SULT1C2: variants seen among roughly 807,000 people sequenced by gnomAD.
The protein encoded by SULT1C2 is sulfotransferase 1C2.
In SULT1C2, 27 loss-of-function variants were observed where a neutral mutation model predicts 36.0. That is an observed-to-expected ratio of 0.75 (90% CI 0.55 to 1.03). The LOEUF (loss-of-function observed/expected upper bound fraction) is 1.03. Among genes scored for constraint, SULT1C2 ranks in the 50% least tolerant of loss-of-function variants. The pLI, the probability that SULT1C2 is intolerant of heterozygous loss-of-function variation, is 0.00. For missense variants in SULT1C2, 395 were observed against 359.2 expected (o/e 1.10, Z -0.80); for synonymous variants, 121 against 116.0 (o/e 1.04, Z -0.27).
intron 1 of SULT1C2, among the ~76,000 whole-genome samples, chr2:108,291,902 A>G (rs1676602893): frequency 1.3e-5 from 2 of 152,222 alleles, no homozygotes; most frequent in South Asian, 4.1e-4. Flanking sequence ...TCTTTGATGT[A>G]TTATAAATAC....
At chr2:108,303,670 A>G (rs1171466959) in intron 4 of SULT1C2, 8 of 152,244 alleles carry the variant, frequency 5.3e-5, no homozygotes, top group Non-Finnish European at 1.0e-4. Context: ...CATAATTAAT[A>G]CAGCACTCCT....
chr2:108,300,735 G>A (rs1676847699), intron 3 of SULT1C2, 103 bp from the exon 4 acceptor site: 1 of 1,497,306 alleles, frequency 6.7e-7, no homozygotes, highest in Non-Finnish European at 8.9e-7. Flanking sequence ...GAGACTAGCA[G>A]AAAGACAGGT....
At chr2:108,297,053 G>T (rs1055367783) in intron 3 of SULT1C2, among the ~76,000 whole-genome samples, 1 of 152,196 alleles carries the variant, frequency 6.6e-6, no homozygotes, top group Non-Finnish European at 1.5e-5. Flanking sequence ...AAAGACCTGT[G>T]TGCATGTGTA....
chr2:108,296,890 A>T (rs1206783160), intron 3 of SULT1C2, among the ~76,000 whole-genome samples: 1 of 152,220 alleles, frequency 6.6e-6, no homozygotes, highest in Non-Finnish European at 1.5e-5. Context: ...GTGGTCAGAC[A>T]CTACTGGACA....
chr2:108,305,092 C>A (rs1008773158), intron 5 of SULT1C2, 80 bp from the exon 6 acceptor site: 3 of 1,524,746 alleles, frequency 2.0e-6, no homozygotes, highest in African/African-American at 2.7e-5. Flanking sequence ...CTCTCTAACT[C>A]ACTTCAGGAA....
At chr2:108,291,437 G>A (rs906242101) in intron 1 of SULT1C2, among the ~76,000 whole-genome samples, 2 of 152,082 alleles carry the variant, frequency 1.3e-5, no homozygotes, top group Admixed American at 1.3e-4. Flanking sequence ...AATGTATTAG[G>A]AATTAGGACG....
intron 1 of SULT1C2, among the ~76,000 whole-genome samples, chr2:108,293,147 C>A (rs1676634381): frequency 7.2e-6 from 1 of 139,000 alleles, no homozygotes; most frequent in African/African-American, 2.8e-5. Flanking sequence ...CCATTGCACT[C>A]CAGCCTGGAT....
chr2:108,300,660 G>T, intron 3 of SULT1C2, 178 bp from the exon 4 acceptor site: 1 of 1,076,746 alleles, frequency 9.3e-7, no homozygotes, highest in Non-Finnish European at 1.3e-6. Flanking sequence ...GACTCAAGCT[G>T]TGTGATTTTA....
chr2:108,304,817 C>G (rs1676981770), intron 5 of SULT1C2, 117 bp downstream of exon 5: 1 of 1,391,190 alleles, frequency 7.2e-7, no homozygotes, highest in Non-Finnish European at 9.7e-7. Context: ...TGTCCTACCA[C>G]AGACTGGGAC....
At chr2:108,296,382 T>G (rs1243308335) in intron 3 of SULT1C2, among the ~76,000 whole-genome samples, 1 of 149,798 alleles carries the variant, frequency 6.7e-6, no homozygotes, top group African/African-American at 2.4e-5. Flanking sequence ...ACAAACAGTC[T>G]CAGGCTTTAT....
At chr2:108,308,320 G>A (rs907325889) in intron 7 of SULT1C2, 32 bp from the exon 8 acceptor site, 23 of 1,578,528 alleles carry the variant, frequency 1.5e-5, no homozygotes, top group Admixed American at 1.9e-5. Flanking sequence ...TTCAATCAGA[G>A]TGACACTCCT....
At chr2:108,291,462 G>A (rs894797130) in intron 1 of SULT1C2, among the ~76,000 whole-genome samples, 1 of 152,132 alleles carries the variant, frequency 6.6e-6, no homozygotes, top group Non-Finnish European at 1.5e-5. Context: ...CATCTTTAGG[G>A]CCATTATTCT....
At chr2:108,300,376 C>CA (rs374652660) in intron 3 of SULT1C2, 292 of 154,340 alleles carry the variant, frequency 1.9e-3, no homozygotes, top group Middle Eastern at 3.2e-3. Flanking sequence ...GACTCCGTCT[C>CA]AAAAAAAAAA....
rs527687314 is a variant in SULT1C2 at position 108,295,094 on chromosome 2, G to A, written c.277+740G>A. Reference sequence around the variant, plus strand: ...AGCTCTAGCATGAAGTCTAGACTTGGAGCAACTGTAGACAGAGGTCTGATA... The same window carrying A: ...AGCTCTAGCATGAAGTCTAGACTTGAAGCAACTGTAGACAGAGGTCTGATA... On this transcript the variant is annotated intron_variant, in intron 3 of 7. Coordinates refer to ENST00000251481, the MANE Select transcript of SULT1C2 (RefSeq NM_001056.4). 5.3e-5 allele frequency among the ~76,000 whole-genome samples: 8 copies of A among 152,230 alleles called. No individual in the cohort carries two copies. In the East Asian group the frequency reaches 1.3e-3, roughly 26 times the overall value.
At chr2:108,290,604 C>A (rs1268098247) in intron 1 of SULT1C2, among the ~76,000 whole-genome samples, 1 of 152,128 alleles carries the variant, frequency 6.6e-6, no homozygotes, top group Non-Finnish European at 1.5e-5. Flanking sequence ...CTCAGCTTCT[C>A]GTGAGGGCCA....
intron 3 of SULT1C2, 181 bp from the exon 4 acceptor site, chr2:108,300,657 G>C (rs904147595): frequency 1.3e-5 from 14 of 1,040,880 alleles, no homozygotes; most frequent in African/African-American, 1.6e-5. Context: ...CAGGACTCAA[G>C]CTGTGTGATT....
chr2:108,297,675 T>A (rs1676769195), intron 3 of SULT1C2, among the ~76,000 whole-genome samples: 6 of 152,090 alleles, frequency 3.9e-5, no homozygotes. Context: ...GGGGCTTTTC[T>A]GAATCATTGA....
At chr2:108,305,970 CTT>C (rs1356442335) in intron 7 of SULT1C2, among the ~76,000 whole-genome samples, 3 of 152,214 alleles carry the variant, frequency 2.0e-5, no homozygotes, top group Non-Finnish European at 4.4e-5. Context: ...AGGGATGTGT[CTT>C]TGCTCCAAAG....
At chr2:108,294,097 C>G in intron 2 of SULT1C2, 132 bp from the exon 3 acceptor site, 5 of 1,489,912 alleles carry the variant, frequency 3.4e-6, no homozygotes, top group Non-Finnish European at 3.6e-6. Context: ...TCACTCATGG[C>G]AAACAGGATT....
Sources: gnomAD v4.1 joint callset for allele counts (sites outside exome capture counted in the v4.1 genomes callset) on GRCh38, gnomAD v4.1.1 for gene constraint, MANE v1.5 for transcripts, NCBI Gene and HGNC (gene_info 2026-07-23, HGNC 2026-07-21) for gene names.